KCNT2: variants seen among roughly 807,000 people sequenced by gnomAD.
The protein encoded by KCNT2 is potassium channel subfamily T member 2.
KCNT2 carries 67 observed loss-of-function variants against 153.8 expected under a neutral mutation model. That is an observed-to-expected ratio of 0.44 (90% confidence interval 0.36 to 0.53). The LOEUF is 0.53. Ranked by LOEUF, KCNT2 falls within the 20% of genes least tolerant of loss-of-function variation. The pLI, the probability that KCNT2 is intolerant of heterozygous loss-of-function variation, is 0.00. For synonymous variants in KCNT2, 500 were observed against 458.8 expected (o/e 1.09, Z -1.15); for missense variants, 975 against 1,354.8 (o/e 0.72, Z 4.40).
chr1:196,422,832 T>A (rs1330125747), intron 12 of KCNT2, among the ~76,000 whole-genome samples: 2 of 152,010 alleles, frequency 1.3e-5, no homozygotes, highest in African/African-American at 4.8e-5. Flanking sequence ...CAACAGATTA[T>A]GAGAATATTC....
chr1:196,477,591 C>T (rs182251737), intron 5 of KCNT2, among the ~76,000 whole-genome samples: 36 of 151,414 alleles, frequency 2.4e-4, no homozygotes, highest in African/African-American at 3.4e-4. Flanking sequence ...TTCCCCTCCC[C>T]CTCCAAAAAA....
chr1:196,508,176 G>T (rs1316721277), intron 1 of KCNT2, among the ~76,000 whole-genome samples: 1 of 125,698 alleles, frequency 8.0e-6, no homozygotes. Context: ...TTTTTAAATG[G>T]TTCCCTAAGT....
At chr1:196,271,945 C>T (rs1049921151) in intron 25 of KCNT2, among the ~76,000 whole-genome samples, 16 of 151,974 alleles carry the variant, frequency 1.1e-4, no homozygotes, top group African/African-American at 3.9e-4. Context: ...GTAAGATCTA[C>T]GTTACTCTAT....
At chr1:196,464,228 C>T (rs1406851794) in intron 8 of KCNT2, among the ~76,000 whole-genome samples, 4 of 151,598 alleles carry the variant, frequency 2.6e-5, no homozygotes, top group Non-Finnish European at 4.4e-5. Flanking sequence ...TAGATAATTG[C>T]TAGGTGAATC....
intron 22 of KCNT2, among the ~76,000 whole-genome samples, chr1:196,289,878 C>T (rs1014102830): frequency 1.3e-5 from 2 of 151,864 alleles, no homozygotes; most frequent in African/African-American, 2.4e-5. Context: ...TAAAAGAATA[C>T]CAATGACATT....
intron 12 of KCNT2, among the ~76,000 whole-genome samples, chr1:196,413,731 C>T (rs1482898333): frequency 6.6e-6 from 1 of 151,630 alleles, no homozygotes; most frequent in African/African-American, 2.4e-5. Flanking sequence ...TGCTATGGCA[C>T]TTTCAAATTC....
intron 12 of KCNT2, among the ~76,000 whole-genome samples, chr1:196,403,899 A>G (rs1671622812): frequency 6.6e-6 from 1 of 151,660 alleles, no homozygotes; most frequent in Admixed American, 6.6e-5. Context: ...TGGTTATTGT[A>G]TAATGGATGT....
intron 1 of KCNT2, among the ~76,000 whole-genome samples, chr1:196,516,824 T>C (rs1682097667): frequency 6.6e-6 from 1 of 152,180 alleles, no homozygotes; most frequent in Non-Finnish European, 1.5e-5. Flanking sequence ...TGTTGATACC[T>C]TCAGGTACTG....
chr1:196,287,094 C>T (rs1206164806), intron 22 of KCNT2, among the ~76,000 whole-genome samples: 2 of 151,974 alleles, frequency 1.3e-5, no homozygotes, highest in African/African-American at 4.8e-5. Context: ...ACTATAAGAG[C>T]GTCTTCACTT....
chr1:196,295,642 A>G (rs1470520360), intron 22 of KCNT2, among the ~76,000 whole-genome samples: 1 of 152,058 alleles, frequency 6.6e-6, no homozygotes, highest in Non-Finnish European at 1.5e-5. Context: ...ACTCCTTTTA[A>G]CTACAGTATA....
At chr1:196,233,163 CT>C (rs956448377) in intron 27 of KCNT2, among the ~76,000 whole-genome samples, 101 of 151,466 alleles carry the variant, frequency 6.7e-4, no homozygotes, top group African/African-American at 2.3e-3. Context: ...ATGTTTTCCT[CT>C]AATTGAAGTC....
At chr1:196,265,429 T>C (rs1221041531) in intron 25 of KCNT2, among the ~76,000 whole-genome samples, 1 of 152,192 alleles carries the variant, frequency 6.6e-6, no homozygotes, top group Non-Finnish European at 1.5e-5. Flanking sequence ...AATAGCTCCA[T>C]GTCATGTGTC....
intron 14 of KCNT2, among the ~76,000 whole-genome samples, chr1:196,343,476 C>A (rs1665861712): frequency 6.6e-6 from 1 of 152,014 alleles, no homozygotes; most frequent in African/African-American, 2.4e-5. Flanking sequence ...TTATCATAAT[C>A]TCTAATCAAT....
At chr1:196,256,367 G>T (rs890516906) in intron 26 of KCNT2, among the ~76,000 whole-genome samples, 2 of 151,868 alleles carry the variant, frequency 1.3e-5, no homozygotes, top group African/African-American at 4.8e-5. Context: ...ATCCTTGTAA[G>T]CTGTGGTCCA....
At chr1:196,475,241 A>G (rs963927211) in intron 5 of KCNT2, among the ~76,000 whole-genome samples, 1 of 152,230 alleles carries the variant, frequency 6.6e-6, no homozygotes, top group African/African-American at 2.4e-5. Context: ...TAAGTATCAA[A>G]GAATAATATC....
At chr1:196,419,003 C>A (rs1055988468) in intron 12 of KCNT2, among the ~76,000 whole-genome samples, 1 of 152,038 alleles carries the variant, frequency 6.6e-6, no homozygotes, top group Non-Finnish European at 1.5e-5. Flanking sequence ...AGGGTCCATT[C>A]CATTCTCTCC....
intron 14 of KCNT2, among the ~76,000 whole-genome samples, chr1:196,347,720 T>C (rs1289327625): frequency 6.6e-6 from 1 of 152,182 alleles, no homozygotes; most frequent in Non-Finnish European, 1.5e-5. Flanking sequence ...GTTACTTCTG[T>C]CTGCTTTCTC....
At chr1:196,350,424 T>C (rs1284627169) in intron 14 of KCNT2, among the ~76,000 whole-genome samples, 6 of 152,194 alleles carry the variant, frequency 3.9e-5, no homozygotes, top group South Asian at 2.1e-4. Flanking sequence ...TGGTATCTCA[T>C]TGTGGTTTTG....
chr1:196,277,074 CT>C (rs1416076504), intron 25 of KCNT2, among the ~76,000 whole-genome samples: 2 of 152,110 alleles, frequency 1.3e-5, no homozygotes, highest in Non-Finnish European at 2.9e-5. Flanking sequence ...TTCTTGAAAT[CT>C]TGTGATTCAA....
Sources: allele counts gnomAD v4.1 joint callset (sites outside exome capture counted in the v4.1 genomes callset), GRCh38; gene constraint gnomAD v4.1.1; transcripts MANE v1.5; gene names NCBI Gene and HGNC (gene_info 2026-07-23, HGNC 2026-07-21).